SORCS1: variants seen among roughly 807,000 people sequenced by gnomAD.
SORCS1 encodes sortilin related VPS10 domain containing receptor 1.
Under a neutral mutation model 146.1 loss-of-function variants are expected in SORCS1, and 60 were observed. The observed-to-expected ratio is 0.41, with a 90% CI of 0.33 to 0.51. The LOEUF is 0.51. Ranked by LOEUF, SORCS1 falls within the 20% of genes least tolerant of loss-of-function variation. SORCS1 has a pLI of 0.21. For missense variants in SORCS1, 1,352 were observed against 1,487.6 expected, an observed-to-expected ratio of 0.91 and a Z score of 1.50; for synonymous variants, 637 against 584.0, an observed-to-expected ratio of 1.09 and a Z score of -1.31.
rs1564786811 is a variant in SORCS1 at position 106,620,577 on chromosome 10, A to C, written c.2663-16T>G. 1.2e-6 allele frequency: 2 copies of C among 1,612,294 alleles called. No individual in the cohort carries two copies. Among genetic ancestry groups the C allele is most frequent in the Admixed American group, 3.3e-5 (2 of 59,918 alleles). On this transcript the variant is annotated splice_polypyrimidine_tract_variant and intron_variant, in intron 19 of 25. Transcript: ENST00000263054. ...TCCAAGGGACCTGAGGCACAAGAGA[A>C]AGAGAGGCCATGGATGGGGAAGAGC...
chr10:107,003,121 G>A (rs529737310), intron 1 of SORCS1, among the ~76,000 whole-genome samples: 1 of 152,242 alleles, frequency 6.6e-6, no homozygotes, highest in South Asian at 2.1e-4. Context: ...CAGGCATGGT[G>A]GTGGGTGCCT....
At chr10:106,841,660 T>C (rs981878328) in intron 2 of SORCS1, among the ~76,000 whole-genome samples, 1 of 152,246 alleles carries the variant, frequency 6.6e-6, no homozygotes, top group Non-Finnish European at 1.5e-5. Flanking sequence ...ATCTGAGGTA[T>C]GCCTATAGTT....
chr10:107,166,718 C>G (rs1021938465), upstream of SORCS1, among the ~76,000 whole-genome samples: 1 of 152,194 alleles, frequency 6.6e-6, no homozygotes, highest in African/African-American at 2.4e-5. Flanking sequence ...TTTCTATGCC[C>G]TGCTAACCTC....
At chr10:107,125,723 C>T (rs1190362253) in intron 1 of SORCS1, among the ~76,000 whole-genome samples, 3 of 152,200 alleles carry the variant, frequency 2.0e-5, no homozygotes, top group African/African-American at 7.2e-5. Context: ...ACCACCAACA[C>T]CTGGTGGTTT....
At chr10:107,129,028 C>T (rs184370749) in intron 1 of SORCS1, among the ~76,000 whole-genome samples, 105 of 152,268 alleles carry the variant, frequency 6.9e-4, no homozygotes, top group African/African-American at 2.4e-3. Flanking sequence ...AACACCAGTC[C>T]CTGAGCACAA....
At chr10:106,783,935 T>G (rs1465723365) in intron 3 of SORCS1, among the ~76,000 whole-genome samples, 1 of 152,254 alleles carries the variant, frequency 6.6e-6, no homozygotes, top group Non-Finnish European at 1.5e-5. Flanking sequence ...TAAGAACTAT[T>G]ACAGTGTAAC....
intron 24 of SORCS1, among the ~76,000 whole-genome samples, chr10:106,586,138 G>A (rs1467581772): frequency 6.6e-6 from 1 of 152,126 alleles, no homozygotes; most frequent in South Asian, 2.1e-4. Flanking sequence ...TATTACCTTT[G>A]AGCTCCACAT....
chr10:106,578,604 C>A (rs1208495604), intron 25 of SORCS1: 1 of 954,714 alleles, frequency 1.0e-6, no homozygotes, highest in Non-Finnish European at 1.2e-6. Flanking sequence ...ATCAGGCTGG[C>A]CACTCTCATT....
chr10:106,646,778 G>C (rs1589556824), intron 18 of SORCS1, among the ~76,000 whole-genome samples: 1 of 152,034 alleles, frequency 6.6e-6, no homozygotes, highest in East Asian at 1.9e-4. Flanking sequence ...TATATTATGT[G>C]AGATAAAGAT....
At chr10:106,902,418 C>A (rs1951744993) in intron 2 of SORCS1, among the ~76,000 whole-genome samples, 1 of 151,630 alleles carries the variant, frequency 6.6e-6, no homozygotes, top group Non-Finnish European at 1.5e-5. Context: ...CCCATTAAGA[C>A]AAGAAAAAGA....
At chr10:106,741,963 G>A (rs1327139261) in intron 5 of SORCS1, among the ~76,000 whole-genome samples, 1 of 152,200 alleles carries the variant, frequency 6.6e-6, no homozygotes, top group Non-Finnish European at 1.5e-5. Flanking sequence ...TACTTCGTCA[G>A]ATTATTATGA....
At chr10:107,077,740 A>G (rs944467243) in intron 1 of SORCS1, among the ~76,000 whole-genome samples, 5 of 151,824 alleles carry the variant, frequency 3.3e-5, no homozygotes, top group Non-Finnish European at 7.4e-5. Flanking sequence ...GATCTCTCTG[A>G]CTCCAGAGTT....
chr10:106,671,138 C>T (rs1439222328), intron 16 of SORCS1, 99 bp downstream of exon 16: 19 of 1,519,136 alleles, frequency 1.3e-5, no homozygotes, highest in Non-Finnish European at 1.7e-5. Flanking sequence ...GGCCACTTAG[C>T]CCTATGTATG....
intron 1 of SORCS1, among the ~76,000 whole-genome samples, chr10:107,063,087 A>C (rs889618081): frequency 6.6e-6 from 1 of 152,174 alleles, no homozygotes; most frequent in South Asian, 2.1e-4. Flanking sequence ...CTAAGAGAGG[A>C]ATATGTACCA....
intron 1 of SORCS1, among the ~76,000 whole-genome samples, chr10:107,122,565 C>T (rs954408795): frequency 4.6e-5 from 7 of 152,102 alleles, no homozygotes; most frequent in South Asian, 2.1e-4. Flanking sequence ...ATACAAATAG[C>T]GGTAGCATTT....
intron 6 of SORCS1, among the ~76,000 whole-genome samples, chr10:106,717,983 T>C (rs779329505): frequency 6.6e-6 from 1 of 152,210 alleles, no homozygotes; most frequent in Non-Finnish European, 1.5e-5. Context: ...TTAGTCCTCT[T>C]TAGGCTAGAG....
intron 2 of SORCS1, among the ~76,000 whole-genome samples, chr10:106,876,835 C>T (rs1160682794): frequency 6.6e-6 from 1 of 152,164 alleles, no homozygotes; most frequent in Admixed American, 6.5e-5. Flanking sequence ...AATATAACTT[C>T]TCGTGTCTCT....
chr10:106,784,419 G>A (rs1945955263), intron 3 of SORCS1, among the ~76,000 whole-genome samples: 1 of 151,264 alleles, frequency 6.6e-6, no homozygotes, highest in Non-Finnish European at 1.5e-5. Context: ...ACCTAAACAT[G>A]GTATTTCAGA....
intron 17 of SORCS1, among the ~76,000 whole-genome samples, chr10:106,661,474 T>C (rs1850723060): frequency 6.6e-6 from 1 of 152,182 alleles, no homozygotes; most frequent in Non-Finnish European, 1.5e-5. Context: ...GCAGTGACAA[T>C]TAAACATCAA....
Sources: gnomAD v4.1 joint callset for allele counts (sites outside exome capture counted in the v4.1 genomes callset) on GRCh38, gnomAD v4.1.1 for gene constraint, MANE v1.5 for transcripts, NCBI Gene and HGNC (gene_info 2026-07-23, HGNC 2026-07-21) for gene names.